Variants in TCF20 observed in about 807,000 individuals in gnomAD.
TCF20 encodes SPRE-binding protein.
Under a neutral mutation model 148.6 loss-of-function variants are expected in TCF20, and 3 were observed. That is an observed-to-expected ratio of 0.02 (90% CI 0.01 to 0.05). The LOEUF (loss-of-function observed/expected upper bound fraction) is 0.05. Ranked by LOEUF, TCF20 falls within the 10% of genes least tolerant of loss-of-function variation. TCF20 has a pLI of 1.00. For synonymous variants in TCF20, 1,049 were observed against 909.5 expected (o/e 1.15, Z -2.76); for missense variants, 2,350 against 2,429.3 (o/e 0.97, Z 0.69).
rs546238151 is a variant in TCF20, at chr22:42,196,200, G to A, written c.5655+13451C>T. On this transcript the variant is annotated intron_variant, in intron 2 of 5. Coordinates refer to ENST00000677622, the MANE Select transcript of TCF20 (RefSeq NM_001378418.1). ...GACCTGCCACTATTGGAGTGACTTG[G>A]GGGATTTGACCCATGGGTGCTAAGT... Among the ~76,000 whole-genome samples the A allele has an allele frequency of 5.3e-5, 8 of 152,318 alleles. No individual in the cohort carries two copies. The East Asian group carries it at 1.5e-3, about 29-fold the overall frequency.
intron 2 of TCF20, among the ~76,000 whole-genome samples, chr22:42,204,221 G>A (rs554154206): frequency 2.0e-5 from 3 of 152,154 alleles, no homozygotes; most frequent in Non-Finnish European, 4.4e-5. Flanking sequence ...CTGGCCAGGT[G>A]CAGTGGCTCA....
rs1935457326 is a variant in TCF20, at chr22:42,161,485, T to G, written c.*45-127A>C. ...CTGCACTCACGCCCCTCTGCAGATG[T>G]GCTGCTGATATGGGACACACCCGAG... On this transcript the variant is annotated intron_variant, in intron 5 of 5. Transcript: ENST00000677622. 6.5e-6 allele frequency: 8 copies of G among 1,238,390 alleles called. No homozygotes were observed. In the South Asian group the frequency reaches 1.0e-4, roughly 16 times the overall value. The allele number at this position is 1,238,390 out of a possible 1,614,324, so 76.7% of individuals were successfully genotyped here.
At chr22:42,277,995 A>G (rs1340270392) in intron 1 of TCF20, among the ~76,000 whole-genome samples, 1 of 152,256 alleles carries the variant, frequency 6.6e-6, no homozygotes, top group East Asian at 1.9e-4. Context: ...CAAGACGCTT[A>G]TCAGCATTTC....
Position 42,164,218 on chromosome 22 carries a change from T to C in TCF20, c.*45-2860A>G, listed in dbSNP as rs981325808. Among the ~76,000 whole-genome samples the C allele has an allele frequency of 8.0e-4, 112 of 140,474 alleles. 1 individual carries two copies. Among genetic ancestry groups the C allele is most frequent in the Middle Eastern group, 3.6e-3 (1 of 278 alleles). 92.2% of individuals were successfully genotyped at this position (140,474 alleles called of 152,430 possible). A position where few individuals can be genotyped will look rare whatever the true frequency, so the allele number is the denominator to read the frequency against. The stretch of plus-strand genomic sequence containing the variant: ...GGGATGCACTCATTTCTTTCTTTTT[T>C]TTTTTTTTTTTTTTGAGATGGAGTC... On this transcript the variant is annotated intron_variant, in intron 5 of 5. Transcript: ENST00000677622.
intron 1 of TCF20, among the ~76,000 whole-genome samples, chr22:42,254,076 C>CA (rs528387021): frequency 0.14 from 7,094 of 52,178 alleles, 270 homozygotes; most frequent in Admixed American, 0.15. Context: ...AACTCCCTTT[C>CA]AAAAAAAAAA....
At chr22:42,200,669 A>C (rs901233553) in intron 2 of TCF20, among the ~76,000 whole-genome samples, 3 of 149,332 alleles carry the variant, frequency 2.0e-5, no homozygotes, top group African/African-American at 7.4e-5. Context: ...AAAGTCTATC[A>C]ACTTTGAATC....
chr22:42,210,447 G>A lies in TCF20; in HGVS notation c.4859C>T (p.Pro1620Leu). The A allele has an allele frequency of 1.9e-6, 3 of 1,614,234 alleles. No individual in the cohort carries two copies. The highest frequency in any genetic ancestry group is 1.1e-5 in the South Asian group (1 of 91,088). Residue 1620 changes from proline to leucine, a missense_variant, in exon 2 of 6, where the codon CCA becomes CTA. Physicochemically the swap from Pro to Leu is moderately conservative, Grantham distance 98 (BLOSUM62 -3). Transcript: ENST00000677622. This position sits in a 1 kb window ranked among gnomAD's most constrained non-coding sequence, Gnocchi z 4.7. ...PEIKLKYATQPLDKTDAKNKS... is the reference protein window; with the variant it reads ...PEIKLKYATQLLDKTDAKNKS... ...GTTCTTGGCATCAGTTTTATCCAGT[G>A]GCTGGGTGGCATATTTTAGTTTGAT...
intron 1 of TCF20, among the ~76,000 whole-genome samples, chr22:42,243,795 T>A (rs1924674952): frequency 6.6e-6 from 1 of 152,190 alleles, no homozygotes; most frequent in African/African-American, 2.4e-5. Context: ...AAAACTGCTC[T>A]AAGCAATAAA....
intron 1 of TCF20, among the ~76,000 whole-genome samples, chr22:42,327,317 C>T (rs1335744701): frequency 6.6e-6 from 1 of 152,174 alleles, no homozygotes; most frequent in Non-Finnish European, 1.5e-5. Flanking sequence ...GAAGGTGGAG[C>T]AGTGGGCACC....
intron 2 of TCF20, among the ~76,000 whole-genome samples, chr22:42,201,730 T>C (rs932828393): frequency 2.0e-5 from 3 of 151,942 alleles, no homozygotes; most frequent in African/African-American, 7.3e-5. Context: ...ATTGTGCCAT[T>C]GCGGTCCAGC....
chr22:42,232,753 C>T (rs905375808), intron 1 of TCF20, among the ~76,000 whole-genome samples: 11 of 147,898 alleles, frequency 7.4e-5, no homozygotes, highest in Admixed American at 5.5e-4. Context: ...GAGCCTAGAT[C>T]GTGCCACTGC....
intron 2 of TCF20, among the ~76,000 whole-genome samples, chr22:42,189,368 C>T (rs1300721157): frequency 1.3e-5 from 2 of 152,152 alleles, no homozygotes; most frequent in Non-Finnish European, 2.9e-5. Context: ...TGAGCACACA[C>T]GTGGCACCTG....
At chr22:42,238,031 CT>C (rs1924035858) in intron 1 of TCF20, among the ~76,000 whole-genome samples, 1 of 152,192 alleles carries the variant, frequency 6.6e-6, no homozygotes, top group African/African-American at 2.4e-5. Context: ...GTCAGCCTGT[CT>C]TTTGAAGCCA....
intron 1 of TCF20, among the ~76,000 whole-genome samples, chr22:42,332,951 C>T (rs1025155146): frequency 1.3e-5 from 2 of 152,200 alleles, no homozygotes; most frequent in Non-Finnish European, 2.9e-5. Context: ...ACGGGGGAGC[C>T]TCCAGGGGCA....
At chr22:42,239,552 C>T (rs1206160707) in intron 1 of TCF20, among the ~76,000 whole-genome samples, 1 of 151,992 alleles carries the variant, frequency 6.6e-6, no homozygotes, top group Non-Finnish European at 1.5e-5. Flanking sequence ...CTTTGGGAGG[C>T]TGAGGCAGGC....
At chr22:42,191,613 T>TATA (rs1212188072) in intron 2 of TCF20, among the ~76,000 whole-genome samples, 1 of 152,194 alleles carries the variant, frequency 6.6e-6, no homozygotes, top group Non-Finnish European at 1.5e-5. Context: ...TCTACAGTTA[T>TATA]ATATACTCCA....
intron 1 of TCF20, among the ~76,000 whole-genome samples, chr22:42,228,652 G>T (rs920962963): frequency 1.3e-5 from 2 of 152,164 alleles, no homozygotes; most frequent in Non-Finnish European, 2.9e-5. Context: ...TGCCAAACAT[G>T]GCAACACGCG....
chr22:42,302,814 G>A (rs917093549), intron 1 of TCF20, among the ~76,000 whole-genome samples: 1 of 152,192 alleles, frequency 6.6e-6, no homozygotes, highest in African/African-American at 2.4e-5. Flanking sequence ...TGTGCCCCAC[G>A]CCTGGGTGCA....
intron 1 of TCF20, among the ~76,000 whole-genome samples, chr22:42,343,253 G>A (rs1319673661): frequency 1.3e-5 from 2 of 152,080 alleles, no homozygotes; most frequent in Non-Finnish European, 2.9e-5. Flanking sequence ...TGTACAATGG[G>A]GACAAACACC....
Sources: allele counts gnomAD v4.1 joint callset (sites outside exome capture counted in the v4.1 genomes callset), GRCh38; gene constraint gnomAD v4.1.1; non-coding constraint Gnocchi (gnomAD v3.1); transcripts MANE v1.5; gene names NCBI Gene and HGNC (gene_info 2026-07-23, HGNC 2026-07-21).